Variants in CAMTA1 observed in about 807,000 individuals in gnomAD.
CAMTA1 encodes the protein calmodulin binding transcription activator 1, also known as calmodulin-binding transcription activator 1.
Under a neutral mutation model 170.9 loss-of-function variants are expected in CAMTA1, and 27 were observed. That is an observed-to-expected ratio of 0.16 (90% CI 0.12 to 0.22). CAMTA1 has a LOEUF of 0.22. CAMTA1 is among the 10% of genes least tolerant of loss of function. The pLI, the probability that CAMTA1 is intolerant of heterozygous loss-of-function variation, is 1.00. For synonymous variants in CAMTA1, 833 were observed against 891.5 expected (o/e 0.93, Z 1.17); for missense variants, 1,619 against 2,217.2 (o/e 0.73, Z 5.42).
rs1216021067 is a variant in CAMTA1 at position 7,014,117 on chromosome 1, T to G, written c.235-77187T>G. The G allele has an allele frequency of 6.6e-6, 1 of 150,994 alleles. No individual in the cohort carries two copies. Among genetic ancestry groups the G allele is most frequent in the African/African-American group, 2.5e-5 (1 of 40,036 alleles). 9.4% of individuals were successfully genotyped at this position (150,994 alleles called of 1,614,324 possible). A position where few individuals can be genotyped will look rare whatever the true frequency, so the allele number is the denominator to read the frequency against. On this transcript the variant is annotated intron_variant, in intron 3 of 22. Coordinates refer to ENST00000303635, the MANE Select transcript of CAMTA1 (RefSeq NM_015215.4). This position sits in a 1 kb window ranked among gnomAD's most constrained non-coding sequence, Gnocchi z 4.2. ...TGCTCTGCCAAGGGGACCGGCTGGC[T>G]GGGGCAGCGCCTGGGCAGGGCTGTG...
chr1:7,440,829 G>A (rs766303385), intron 5 of CAMTA1, among the ~76,000 whole-genome samples: 1 of 152,292 alleles, frequency 6.6e-6, no homozygotes, highest in South Asian at 2.1e-4. Flanking sequence ...CGATGGCGAT[G>A]GTTTGATTAC....
intron 5 of CAMTA1, among the ~76,000 whole-genome samples, chr1:7,311,471 T>A (rs1383668698): frequency 6.6e-6 from 1 of 152,248 alleles, no homozygotes; most frequent in African/African-American, 2.4e-5. Context: ...ACTTATTTTC[T>A]GAAACATTTC....
At chr1:6,933,493 C>T (rs1027434312) in intron 3 of CAMTA1, among the ~76,000 whole-genome samples, 1 of 152,170 alleles carries the variant, frequency 6.6e-6, no homozygotes, top group Non-Finnish European at 1.5e-5. Context: ...TTCCTGATCT[C>T]AAGTGATCTG....
chr1:7,660,453 A>T lies in CAMTA1; in HGVS notation c.665-1273A>T, dbSNP rs187012252. Among the ~76,000 whole-genome samples the T allele has an allele frequency of 4.6e-5, 7 of 152,320 alleles. No homozygotes were observed. The East Asian group carries it at 1.4e-3, about 29-fold the overall frequency. ...CTCAGGAGGCTGAGGCGGGAGGATCACTTGAACCCACGAGGCCGAGTCTAC... is the reference window on the plus strand; with the variant it reads ...CTCAGGAGGCTGAGGCGGGAGGATCTCTTGAACCCACGAGGCCGAGTCTAC... On this transcript the variant is annotated intron_variant, in intron 7 of 22. Coordinates refer to ENST00000303635, the MANE Select transcript of CAMTA1 (RefSeq NM_015215.4).
chr1:7,484,790 GAA>G (rs375611440), intron 6 of CAMTA1, among the ~76,000 whole-genome samples: 2 of 145,602 alleles, frequency 1.4e-5, no homozygotes, highest in African/African-American at 5.0e-5. Flanking sequence ...CTATGTCTCA[GAA>G]AAAAAAAAAA....
In CAMTA1 at chr1:6,825,156, T is replaced by C; in HGVS notation, c.180T>C (p.Cys60=). 6.2e-7 allele frequency: 1 copy of C among 1,612,036 alleles called. No homozygotes were observed. Among genetic ancestry groups the C allele is most frequent in the Non-Finnish European group, 8.5e-7 (1 of 1,179,262 alleles). Residue 60 remains cysteine (C), a synonymous_variant, in exon 3 of 23, where the codon TGT becomes TGC. Transcript: ENST00000303635. ...KIFLPKKLLE[C]LPKCSSLPKE... is the part of the protein sequence containing the mutation. ...TTTTACCGAAAAAGCTGCTTGAATG[T>C]CTGCCGAAATGTTCAAGTTTACCAA... is the stretch of plus-strand genomic sequence containing the variant.
At chr1:7,301,212 G>A (rs1674708047) in intron 5 of CAMTA1, among the ~76,000 whole-genome samples, 1 of 152,214 alleles carries the variant, frequency 6.6e-6, no homozygotes, top group Non-Finnish European at 1.5e-5. Flanking sequence ...TTATGGGTCT[G>A]ACTTTTTAAA....
intron 6 of CAMTA1, among the ~76,000 whole-genome samples, chr1:7,569,139 C>G (rs980199117): frequency 6.6e-6 from 1 of 151,790 alleles, no homozygotes; most frequent in African/African-American, 2.4e-5. Flanking sequence ...CCATCATCAT[C>G]ACCACGATCA....
chr1:7,019,032 C>T (rs1278381098), intron 3 of CAMTA1, among the ~76,000 whole-genome samples: 1 of 152,198 alleles, frequency 6.6e-6, no homozygotes, highest in Non-Finnish European at 1.5e-5. Context: ...GGCAAGAGGG[C>T]CTTGGTGGGC....
chr1:7,177,570 T>C (rs988763013), intron 4 of CAMTA1, among the ~76,000 whole-genome samples: 6 of 126,124 alleles, frequency 4.8e-5, no homozygotes, highest in Non-Finnish European at 9.8e-5. Context: ...AGACCTCCAG[T>C]GCATCAAAAC....
At chr1:7,498,487 A>G (rs977310420) in intron 6 of CAMTA1, among the ~76,000 whole-genome samples, 2 of 148,456 alleles carry the variant, frequency 1.3e-5, no homozygotes, top group Non-Finnish European at 3.0e-5. Flanking sequence ...GTGAGCATGT[A>G]TGAGAGTGAG....
chr1:7,240,693 A>G (rs1050465307), intron 4 of CAMTA1, among the ~76,000 whole-genome samples: 4 of 151,768 alleles, frequency 2.6e-5, no homozygotes, highest in African/African-American at 9.7e-5. Context: ...TGTTGTAGAG[A>G]CAGGGTTTTG....
At chr1:6,996,001 G>A (rs1393433502) in intron 3 of CAMTA1, among the ~76,000 whole-genome samples, 3 of 152,244 alleles carry the variant, frequency 2.0e-5, no homozygotes, top group Non-Finnish European at 2.9e-5. Flanking sequence ...CAAGGGAGGC[G>A]GGTGTGGCGT....
rs139798254 is a variant in CAMTA1 at position 6,788,899 on chromosome 1, T to A, written c.45+3324T>A. Reference sequence around the variant, plus strand: ...TGGAAATTAGCTTTTTCCTTTTACCTTGTAGTGCAGAATGCTCTGTTGCAG... The same window carrying A: ...TGGAAATTAGCTTTTTCCTTTTACCATGTAGTGCAGAATGCTCTGTTGCAG... On this transcript the variant is annotated intron_variant, in intron 1 of 22. Coordinates refer to ENST00000303635, the MANE Select transcript of CAMTA1 (RefSeq NM_015215.4). 4.5e-3 allele frequency among the ~76,000 whole-genome samples: 685 copies of A among 152,306 alleles called. 8 individuals are homozygous for A. The highest frequency in any genetic ancestry group is 0.016 in the African/African-American group (669 of 41,576).
intron 5 of CAMTA1, among the ~76,000 whole-genome samples, chr1:7,402,954 A>G (rs535286145): frequency 6.6e-6 from 1 of 152,374 alleles, no homozygotes; most frequent in South Asian, 2.1e-4. Flanking sequence ...GGTACCTGGT[A>G]CAGAGTAAGG....
At position 7,746,030 on chromosome 1, in the gene CAMTA1, A is replaced by G; in HGVS notation, c.4556A>G (p.His1519Arg). The change falls in exon 18 of 23, where the codon CAT (histidine) becomes CGT (arginine). Residue 1519 changes from histidine to arginine, a missense_variant. His to Arg is a conservative substitution (Grantham distance 29). Transcript: ENST00000303635. ...NEFAQLTLSD[H>R]EQRELYEAAR... ...TTTGCTCAGCTCACTCTGTCTGATC[A>G]TGAACAGAGAGAACTCTATGAGGCT... 3.7e-6 allele frequency: 6 copies of G among 1,614,162 alleles called. No homozygotes were observed. Among genetic ancestry groups the G allele is most frequent in the Non-Finnish European group, 4.2e-6 (5 of 1,179,960 alleles).
chr1:7,095,891 C>A (rs1299187898), intron 4 of CAMTA1, among the ~76,000 whole-genome samples: 3 of 152,230 alleles, frequency 2.0e-5, no homozygotes, highest in Admixed American at 6.5e-5. Flanking sequence ...CAATCCCAAT[C>A]ATTTATTCCT....
chr1:6,947,508 G>A (rs1248756445), intron 3 of CAMTA1, among the ~76,000 whole-genome samples: 2 of 151,286 alleles, frequency 1.3e-5, no homozygotes, highest in Non-Finnish European at 2.9e-5. Flanking sequence ...AGCCTCCTGA[G>A]TAGCTGGGAT....
At chr1:7,058,993 T>C (rs1223535319) in intron 3 of CAMTA1, among the ~76,000 whole-genome samples, 1 of 152,180 alleles carries the variant, frequency 6.6e-6, no homozygotes, top group African/African-American at 2.4e-5. Context: ...CAGACCTGAG[T>C]TCGTGGGCTG....
Sources: allele counts gnomAD v4.1 joint callset (sites outside exome capture counted in the v4.1 genomes callset), GRCh38; gene constraint gnomAD v4.1.1; non-coding constraint Gnocchi (gnomAD v3.1); transcripts MANE v1.5; gene names NCBI Gene and HGNC (gene_info 2026-07-23, HGNC 2026-07-21).